DCLK1: variants seen among roughly 807,000 people sequenced by gnomAD.
DCLK1 encodes serine/threonine-protein kinase DCLK1.
DCLK1 carries 16 observed loss-of-function variants against 86.2 expected under a neutral mutation model. That is an observed-to-expected ratio of 0.19 (90% CI 0.13 to 0.28). The LOEUF is 0.28. Ranked by LOEUF, DCLK1 falls within the 10% of genes least tolerant of loss-of-function variation. The pLI, the probability that DCLK1 is intolerant of heterozygous loss-of-function variation, is 1.00. For synonymous variants in DCLK1, 369 were observed against 370.5 expected (o/e 1.00, Z 0.05); for missense variants, 590 against 940.2 (o/e 0.63, Z 4.87).
chr13:35,862,459 T>TA (rs1871471928), intron 5 of DCLK1, among the ~76,000 whole-genome samples: 1 of 152,226 alleles, frequency 6.6e-6, no homozygotes, highest in African/African-American at 2.4e-5. Flanking sequence ...AATGGCCTCA[T>TA]AGAGCCTTCC....
At chr13:35,849,825 C>A in intron 6 of DCLK1, 3 of 984,056 alleles carry the variant, frequency 3.0e-6, no homozygotes, top group Non-Finnish European at 3.6e-6. Flanking sequence ...AAATGGATTT[C>A]TTGGAAAAAG....
At chr13:36,066,193 C>T (rs1186678653) in intron 3 of DCLK1, among the ~76,000 whole-genome samples, 2 of 152,084 alleles carry the variant, frequency 1.3e-5, no homozygotes, top group East Asian at 1.9e-4. Flanking sequence ...AGATCAGGCA[C>T]CTGAGAGAAA....
chr13:36,002,361 TAGAATAATATGTGCTAGAGA>T, intron 3 of DCLK1, among the ~76,000 whole-genome samples: 1 of 152,320 alleles, frequency 6.6e-6, no homozygotes, highest in South Asian at 2.1e-4. Context: ...CAATATTCGC[TAGAATAATATGTGCTAGAGA>T]ATAAAATGAG....
intron 11 of DCLK1, among the ~76,000 whole-genome samples, chr13:35,811,366 A>G (rs2087138636): frequency 6.6e-6 from 1 of 152,112 alleles, no homozygotes; most frequent in Non-Finnish European, 1.5e-5. Flanking sequence ...CTGAAAGAAC[A>G]CAGTGCCGAT....
intron 4 of DCLK1, among the ~76,000 whole-genome samples, chr13:35,914,326 A>C (rs1875238521): frequency 2.1e-5 from 1 of 46,956 alleles, no homozygotes; most frequent in South Asian, 9.5e-4. Context: ...TCTCAGAAAA[A>C]AAAAAAATAT....
intron 3 of DCLK1, among the ~76,000 whole-genome samples, chr13:35,983,421 G>T (rs1395116952): frequency 1.3e-5 from 2 of 152,162 alleles, no homozygotes; most frequent in African/African-American, 4.8e-5. Flanking sequence ...TGCTGGGCCT[G>T]CTCACCATGT....
At chr13:36,043,572 T>G (rs1270519145) in intron 3 of DCLK1, among the ~76,000 whole-genome samples, 1 of 152,128 alleles carries the variant, frequency 6.6e-6, no homozygotes, top group African/African-American at 2.4e-5. Flanking sequence ...TGATAAAAGA[T>G]TCTCACCAAT....
At chr13:36,067,457 T>G (rs1181616508) in intron 3 of DCLK1, among the ~76,000 whole-genome samples, 1 of 143,270 alleles carries the variant, frequency 7.0e-6, no homozygotes, top group Non-Finnish European at 1.5e-5. Context: ...TACCTAATGC[T>G]AAATGACGAG....
At chr13:35,800,513 T>G (rs2086897752) in intron 15 of DCLK1, among the ~76,000 whole-genome samples, 1 of 152,156 alleles carries the variant, frequency 6.6e-6, no homozygotes, top group African/African-American at 2.4e-5. Flanking sequence ...CTCATGACTC[T>G]TTCAACAACA....
At chr13:35,782,395 T>A (rs1418730788) in intron 16 of DCLK1, among the ~76,000 whole-genome samples, 1 of 152,170 alleles carries the variant, frequency 6.6e-6, no homozygotes, top group Non-Finnish European at 1.5e-5. Flanking sequence ...TTGTTCTCCA[T>A]CATATCAGTA....
At chr13:35,884,950 C>T (rs1331776675) in intron 4 of DCLK1, among the ~76,000 whole-genome samples, 2 of 152,164 alleles carry the variant, frequency 1.3e-5, no homozygotes, top group Non-Finnish European at 2.9e-5. Flanking sequence ...GTCACTTTGG[C>T]TAGGGACATT....
intron 3 of DCLK1, among the ~76,000 whole-genome samples, chr13:36,016,445 C>G (rs1239994427): frequency 2.0e-5 from 3 of 152,150 alleles, no homozygotes; most frequent in African/African-American, 4.8e-5. Context: ...TTCCCTCCCC[C>G]ATCAAGAAGC....
chr13:36,052,370 G>A (rs1883153127), intron 3 of DCLK1, among the ~76,000 whole-genome samples: 1 of 152,118 alleles, frequency 6.6e-6, no homozygotes, highest in African/African-American at 2.4e-5. Flanking sequence ...TTTATAAGGA[G>A]CAAAGTAGAG....
intron 6 of DCLK1, among the ~76,000 whole-genome samples, chr13:35,853,751 C>T (rs1870835800): frequency 6.6e-6 from 1 of 152,136 alleles, no homozygotes; most frequent in Non-Finnish European, 1.5e-5. Flanking sequence ...CGTCTGAAAT[C>T]AGGACCATAA....
At chr13:35,870,805 G>A (rs1040873207) in intron 5 of DCLK1, among the ~76,000 whole-genome samples, 2 of 151,966 alleles carry the variant, frequency 1.3e-5, no homozygotes, top group East Asian at 1.9e-4. Context: ...TAGCTCCAGA[G>A]CCATGAAAGG....
chr13:35,867,953 G>GAAAGAAAGAAAGAAA (rs1319556990), intron 5 of DCLK1, among the ~76,000 whole-genome samples: 13 of 145,584 alleles, frequency 8.9e-5, no homozygotes, highest in African/African-American at 3.0e-4. Flanking sequence ...AAGAAAGAAA[G>GAAAGAAAGAAAGAAA]AAAGAAAGAA....
intron 3 of DCLK1, among the ~76,000 whole-genome samples, chr13:35,971,178 C>T (rs935771285): frequency 1.3e-5 from 2 of 152,176 alleles, no homozygotes; most frequent in Admixed American, 1.3e-4. Context: ...TGTGCTATGT[C>T]AGGGTAGTCT....
chr13:36,020,745 A>G (rs1275094080), intron 3 of DCLK1, among the ~76,000 whole-genome samples: 2 of 151,544 alleles, frequency 1.3e-5, no homozygotes, highest in African/African-American at 2.4e-5. Context: ...GAAAAAAAAA[A>G]CTATCAACTA....
At chr13:35,849,253 A>G in intron 6 of DCLK1, 1 of 985,382 alleles carries the variant, frequency 1.0e-6, no homozygotes, top group Non-Finnish European at 1.2e-6. Flanking sequence ...TGCTAGTTGA[A>G]CAATTTATCA....
Sources: allele counts gnomAD v4.1 joint callset (sites outside exome capture counted in the v4.1 genomes callset), GRCh38; gene constraint gnomAD v4.1.1; transcripts MANE v1.5; gene names NCBI Gene and HGNC (gene_info 2026-07-23, HGNC 2026-07-21).